P2RX6: variants seen among roughly 807,000 people sequenced by gnomAD.
P2RX6 encodes the protein P2X purinoceptor 6.
In P2RX6, 62 loss-of-function variants were observed where a neutral mutation model predicts 54.2. The ratio of observed to expected loss-of-function variants is 1.14; its 90% confidence interval spans 0.93 to 1.41. The LOEUF (loss-of-function observed/expected upper bound fraction) is 1.41, where lower values mean the gene tolerates loss of function less well. Ranked by LOEUF, P2RX6 falls within the 40% of genes most tolerant of loss-of-function variation. P2RX6 has a pLI of 0.00. For synonymous variants in P2RX6, 211 were observed against 231.9 expected (o/e 0.91, Z 0.82); for missense variants, 541 against 566.3 (o/e 0.96, Z 0.45).
intron 8 of P2RX6, among the ~76,000 whole-genome samples, chr22:21,024,148 G>A (rs1927976173): frequency 6.7e-6 from 1 of 150,072 alleles, no homozygotes; most frequent in Admixed American, 6.7e-5. Context: ...AGATAGAGAT[G>A]GGTTTTCACA....
upstream of P2RX6, chr22:21,012,508 C>T: frequency 3.5e-6 from 2 of 575,494 alleles, no homozygotes; most frequent in Non-Finnish European, 3.3e-6. Context: ...TGCCCACCTG[C>T]CCCAGACCCA....
intron 3 of P2RX6, 53 bp downstream of exon 3, chr22:21,018,113 AG>A: frequency 7.9e-7 from 1 of 1,272,316 alleles, no homozygotes; most frequent in South Asian, 1.2e-5. Context: ...CATCAGCCCC[AG>A]GGGGCCACCC....
intron 3 of P2RX6, among the ~76,000 whole-genome samples, chr22:21,021,140 T>A (rs186308708): frequency 2.0e-5 from 3 of 151,978 alleles, no homozygotes; most frequent in Non-Finnish European, 4.4e-5. Flanking sequence ...TTTCTTTTTC[T>A]CTTTTCTTTT....
At chr22:21,014,673 TCTCA>T (rs1283788659), upstream of P2RX6, among the ~76,000 whole-genome samples, 1 of 152,184 alleles carries the variant, frequency 6.6e-6, no homozygotes, top group Non-Finnish European at 1.5e-5. Context: ...CAGGTCACCC[TCTCA>T]CTCTGTGCCT....
chr22:21,017,125 C>T (rs977925874), intron 2 of P2RX6, among the ~76,000 whole-genome samples: 1 of 152,152 alleles, frequency 6.6e-6, no homozygotes, highest in Non-Finnish European at 1.5e-5. Flanking sequence ...TCGCCTCCTC[C>T]CTTACTGCTC....
chr22:21,018,029 C>T lies in P2RX6; in HGVS notation c.356C>T (p.Thr119Met), dbSNP rs754255873. The stretch of plus-strand genomic sequence containing the variant: ...TTCTTGGTGACCAACTTCCTTGTGA[C>T]GCCAGCCCAAGTTCAGGGCAGATGC... Reference protein sequence around the residue: ...VFFLVTNFLVTPAQVQGRCPE... With the variant: ...VFFLVTNFLVMPAQVQGRCPE... The change falls in exon 3 of 12, where the codon ACG becomes ATG. Residue 119 changes from threonine (T) to methionine (M), a missense_variant. By Grantham distance (81) the Thr-to-Met change is moderately conservative (BLOSUM62 -1). Transcript: ENST00000413302. 2.2e-5 allele frequency: 36 copies of T among 1,613,000 alleles called. No individual in the cohort carries two copies. The Middle Eastern group carries it at 4.9e-4, about 22-fold the overall frequency.
intron 3 of P2RX6, 114 bp downstream of exon 3, chr22:21,018,174 G>C (rs1926761931): frequency 8.2e-6 from 6 of 732,052 alleles, no homozygotes; most frequent in East Asian, 2.7e-5. Context: ...CCTGTGCTCG[G>C]TGTCCCCCAG....
At chr22:21,023,696 C>A in intron 8 of P2RX6, 78 bp downstream of exon 8, 1 of 1,003,524 alleles carries the variant, frequency 1.0e-6, no homozygotes, top group Non-Finnish European at 1.5e-6. Flanking sequence ...AGACCACACC[C>A]AGGCCCAGGC....
chr22:21,024,876 G>GT (rs1814486329), intron 8 of P2RX6, among the ~76,000 whole-genome samples: 1 of 57,782 alleles, frequency 1.7e-5, no homozygotes, highest in Non-Finnish European at 3.2e-5. Context: ...TGTTTTTTTT[G>GT]TGTTTTTTTT....
At chr22:21,019,928 C>T (rs1927067584) in intron 3 of P2RX6, among the ~76,000 whole-genome samples, 1 of 152,262 alleles carries the variant, frequency 6.6e-6, no homozygotes, top group Non-Finnish European at 1.5e-5. Context: ...CGGTTTTCCG[C>T]CCTGGGTGGG....
chr22:21,021,532 C>T (rs947078528), intron 3 of P2RX6, among the ~76,000 whole-genome samples: 2 of 152,088 alleles, frequency 1.3e-5, no homozygotes, highest in South Asian at 2.1e-4. Context: ...GGCTCTGCTC[C>T]GACCTCCACC....
At chr22:21,025,708 A>G (rs1928308747) in intron 8 of P2RX6, 97 bp from the exon 9 acceptor site, 2 of 835,896 alleles carry the variant, frequency 2.4e-6, no homozygotes. Context: ...CTGGGGGTTT[A>G]TAGAGTCAAT....
Position 21,020,593 on chromosome 22 carries a change from TC to T in P2RX6, c.388-2082del, listed in dbSNP as rs1181468728. Among the ~76,000 whole-genome samples the T allele has an allele frequency of 1.6e-4, 20 of 125,540 alleles. No homozygotes were observed. The East Asian group carries it at 1.7e-3, about 11-fold the overall frequency. 82.4% of individuals were successfully genotyped at this position (125,540 alleles called of 152,430 possible). On this transcript the variant is annotated intron_variant, in intron 3 of 11. Coordinates refer to ENST00000413302, the MANE Select transcript of P2RX6 (RefSeq NM_005446.5). Reference sequence around the variant, plus strand: ...TTGAGCAGAATCTTTTTTTTTTTTTTCTTTTTTTTTTTTTTGAGACAGAGTC... The same window carrying T: ...TTGAGCAGAATCTTTTTTTTTTTTTTTTTTTTTTTTTTTTGAGACAGAGTC...
chr22:21,024,883 T>TTTC (rs1353558276), intron 8 of P2RX6, among the ~76,000 whole-genome samples: 2 of 146,992 alleles, frequency 1.4e-5, no homozygotes, highest in African/African-American at 5.0e-5. Context: ...TTTGTGTTTT[T>TTTC]TTTTTTTTTT....
At chr22:21,015,903 G>C (rs576489444) in intron 1 of P2RX6, 39 bp from the exon 2 acceptor site, 8 of 1,544,950 alleles carry the variant, frequency 5.2e-6, no homozygotes, top group Non-Finnish European at 7.0e-6. Context: ...GTCACTACAC[G>C]CTGGGGACAC....
chr22:21,020,511 C>G (rs1166988139), intron 3 of P2RX6, among the ~76,000 whole-genome samples: 1 of 152,100 alleles, frequency 6.6e-6, no homozygotes, highest in Non-Finnish European at 1.5e-5. Flanking sequence ...CAGCCCAGCC[C>G]AGGTGGCAGG....
At chr22:21,012,513 G>T, upstream of P2RX6, 2 of 582,426 alleles carry the variant, frequency 3.4e-6, no homozygotes, top group East Asian at 4.2e-5. Context: ...ACCTGCCCCA[G>T]ACCCAGCACC....
intron 8 of P2RX6, among the ~76,000 whole-genome samples, chr22:21,024,952 C>T (rs1382349597): frequency 6.7e-6 from 1 of 148,178 alleles, no homozygotes. Flanking sequence ...CCGATCTCGG[C>T]TCACTGCAAT....
chr22:21,016,800 C>T (rs1926480762), intron 2 of P2RX6, among the ~76,000 whole-genome samples: 1 of 152,112 alleles, frequency 6.6e-6, no homozygotes. Context: ...CCTCCTCCCT[C>T]CACCCAGCTC....
Sources: allele counts gnomAD v4.1 joint callset (sites outside exome capture counted in the v4.1 genomes callset), GRCh38; gene constraint gnomAD v4.1.1; transcripts MANE v1.5; gene names NCBI Gene and HGNC (gene_info 2026-07-23, HGNC 2026-07-21).